The following ZNRF3 variants were observed in gnomAD, a reference collection of about 807,000 sequenced individuals.
The protein encoded by ZNRF3 is E3 ubiquitin-protein ligase ZNRF3.
In ZNRF3, 23 loss-of-function variants were observed where a neutral mutation model predicts 72.5. The ratio of observed to expected loss-of-function variants is 0.32; its 90% confidence interval spans 0.23 to 0.45. ZNRF3 has a LOEUF of 0.45. ZNRF3 is among the 20% of genes least tolerant of loss of function. The pLI, the probability that ZNRF3 is intolerant of heterozygous loss-of-function variation, is 1.00. For missense variants in ZNRF3, 1,169 were observed against 1,272.1 expected (o/e 0.92, Z 1.23); for synonymous variants, 610 against 545.3 (o/e 1.12, Z -1.65).
chr22:29,049,247 C>A lies in ZNRF3; in HGVS notation c.1066C>A (p.Arg356Ser), dbSNP rs2037132194. The A allele has an allele frequency of 6.2e-7, 1 of 1,613,012 alleles. No individual in the cohort carries two copies. Among genetic ancestry groups the A allele is most frequent in the South Asian group, 1.1e-5 (1 of 90,946 alleles). Residue 356 changes from arginine (R) to serine (S), a missense_variant, in exon 8 of 9, where the codon CGT becomes AGT. By Grantham distance (110) the Arg-to-Ser change is moderately radical. Coordinates refer to ENST00000544604, the MANE Select transcript of ZNRF3 (RefSeq NM_001206998.2). This position sits in a 1 kb window ranked among gnomAD's most constrained non-coding sequence, Gnocchi z 5.2. ...GTGTGTGGAGACCAGCAACCTCTCA[C>A]GTGGTCGGCAGCAGAGGGTGACCCT... ...AVCVETSNLS[R>S]GRQQRVTLPV...
chr22:28,941,664 C>T (rs1196009635), intron 1 of ZNRF3, among the ~76,000 whole-genome samples: 5 of 152,116 alleles, frequency 3.3e-5, no homozygotes, highest in African/African-American at 9.7e-5. Context: ...ACCTGTAATC[C>T]GAGCACTTTG....
chr22:28,950,654 C>T lies in ZNRF3; in HGVS notation c.301-36422C>T, dbSNP rs556738919. Among the ~76,000 whole-genome samples the T allele has an allele frequency of 3.9e-5, 6 of 152,340 alleles. No individual in the cohort carries two copies. In the East Asian group the frequency reaches 1.2e-3, roughly 29 times the overall value. On this transcript the variant is annotated intron_variant, in intron 1 of 8. Transcript: ENST00000544604. ...GACAGTGGCTCTTTAGGGCCTTCCTCCATATCTCTGTTTCTGAGGATACTC... is the reference window on the plus strand; with the variant it reads ...GACAGTGGCTCTTTAGGGCCTTCCTTCATATCTCTGTTTCTGAGGATACTC...
intron 2 of ZNRF3, among the ~76,000 whole-genome samples, chr22:29,004,667 C>T (rs1295796840): frequency 6.6e-6 from 1 of 152,180 alleles, no homozygotes; most frequent in South Asian, 2.1e-4. Context: ...CTCTCTTCCT[C>T]GCCCTCCCCC....
intron 1 of ZNRF3, among the ~76,000 whole-genome samples, chr22:28,924,316 A>G (rs1400589702): frequency 6.6e-6 from 1 of 152,176 alleles, no homozygotes; most frequent in African/African-American, 2.4e-5. Context: ...TTCTGTTAAG[A>G]GTAATTTTTT....
intron 8 of ZNRF3, 114 bp from the exon 9 acceptor site, chr22:29,053,465 C>G: frequency 1.0e-6 from 1 of 961,136 alleles, no homozygotes; most frequent in Non-Finnish European, 1.6e-6. Context: ...TGCTTCAGCC[C>G]TTTAGCATAC....
intron 4 of ZNRF3, among the ~76,000 whole-genome samples, chr22:29,044,292 G>GA (rs145774659): frequency 2.1e-4 from 31 of 147,772 alleles, no homozygotes; most frequent in South Asian, 1.7e-3. Flanking sequence ...TTTTTAAAGG[G>GA]AAAAAAAAAA....
intron 2 of ZNRF3, among the ~76,000 whole-genome samples, chr22:29,039,052 G>A (rs896971478): frequency 1.3e-5 from 2 of 152,030 alleles, no homozygotes; most frequent in African/African-American, 2.4e-5. Flanking sequence ...TTACAGGCCC[G>A]TGCAACTACA....
intron 1 of ZNRF3, among the ~76,000 whole-genome samples, chr22:28,960,683 C>A (rs982802134): frequency 6.6e-6 from 1 of 152,176 alleles, no homozygotes; most frequent in African/African-American, 2.4e-5. Flanking sequence ...CTGTTTACTG[C>A]CCCCTTTTGA....
intron 1 of ZNRF3, among the ~76,000 whole-genome samples, chr22:28,957,395 A>T (rs1182169239): frequency 6.6e-6 from 1 of 152,190 alleles, no homozygotes; most frequent in Non-Finnish European, 1.5e-5. Flanking sequence ...ACGAGTTTCT[A>T]AACTTCCAAA....
intron 3 of ZNRF3, among the ~76,000 whole-genome samples, chr22:29,042,867 C>T (rs979810427): frequency 1.3e-5 from 2 of 151,878 alleles, no homozygotes; most frequent in South Asian, 2.1e-4. Context: ...CTCCACCTCC[C>T]GGGTTCAAGC....
intron 1 of ZNRF3, among the ~76,000 whole-genome samples, chr22:28,916,574 C>T (rs1228701637): frequency 2.6e-5 from 4 of 152,028 alleles, no homozygotes; most frequent in African/African-American, 9.7e-5. Flanking sequence ...ATGTTTTGTT[C>T]TTTGCATTTT....
intron 2 of ZNRF3, among the ~76,000 whole-genome samples, chr22:29,009,079 A>G (rs1166574056): frequency 6.6e-6 from 1 of 152,214 alleles, no homozygotes; most frequent in Non-Finnish European, 1.5e-5. Flanking sequence ...TTGGTACTGC[A>G]GGGCCACTGT....
In ZNRF3 at chr22:28,963,783, T is replaced by C. The variant is rs565823076; in HGVS notation, c.301-23293T>C. 7.9e-5 allele frequency among the ~76,000 whole-genome samples: 12 copies of C among 152,282 alleles called. No individual in the cohort carries two copies. In the East Asian group the frequency reaches 2.3e-3, roughly 29 times the overall value. On this transcript the variant is annotated intron_variant, in intron 1 of 8. Coordinates refer to ENST00000544604, the MANE Select transcript of ZNRF3 (RefSeq NM_001206998.2). ...GCCTGATTACATCTGCTTATAAAAG[T>C]TGCTGCTCAAAGAAGAGTGGACTGG...
At position 29,048,439 on chromosome 22, in the gene ZNRF3, C is replaced by T. The variant is rs1278086726; in HGVS notation, c.963C>T (p.Asp321=). 2.5e-6 allele frequency: 4 copies of T among 1,614,160 alleles called. No individual in the cohort carries two copies. The highest frequency in any genetic ancestry group is 1.1e-5 in the South Asian group (1 of 91,080). Residue 321 remains aspartate (D), a synonymous_variant, in exon 7 of 9, where the codon GAC becomes GAT. Transcript: ENST00000544604. This position sits in a 1 kb window ranked among gnomAD's most constrained non-coding sequence, Gnocchi z 4.9. ...CTHRFHRKCV[D]PWLLQHHTCP... The stretch of plus-strand genomic sequence containing the variant: ...ACCGGTTTCACAGGAAGTGCGTGGA[C>T]CCCTGGCTGCTGCAGCACCACACCT...
chr22:28,976,754 G>A (rs73882419), intron 1 of ZNRF3, among the ~76,000 whole-genome samples: 1,942 of 152,180 alleles, frequency 0.013, 44 homozygotes, highest in African/African-American at 0.045. Flanking sequence ...AACAATACTT[G>A]TCATCTGGTA....
intron 1 of ZNRF3, among the ~76,000 whole-genome samples, chr22:28,960,898 C>T (rs982340909): frequency 6.6e-6 from 1 of 152,224 alleles, no homozygotes; most frequent in Non-Finnish European, 1.5e-5. Flanking sequence ...GCTACATCAT[C>T]CTTGGCTTCT....
At chr22:28,903,323 G>A (rs187555244) in intron 1 of ZNRF3, among the ~76,000 whole-genome samples, 3 of 152,244 alleles carry the variant, frequency 2.0e-5, no homozygotes, top group African/African-American at 4.8e-5. Flanking sequence ...TGGTTGCTCC[G>A]AGGAAAGGAG....
At chr22:28,956,993 G>A (rs2123800056) in intron 1 of ZNRF3, among the ~76,000 whole-genome samples, 2 of 152,296 alleles carry the variant, frequency 1.3e-5, no homozygotes, top group Middle Eastern at 3.4e-3. Context: ...TTAAGAAGGT[G>A]GATATGAATT....
chr22:28,966,626 T>A (rs1339486542), intron 1 of ZNRF3, among the ~76,000 whole-genome samples: 3 of 151,638 alleles, frequency 2.0e-5, no homozygotes, highest in African/African-American at 4.8e-5. Flanking sequence ...AAAAAAAGTT[T>A]AAAAAAGTAA....
Sources: allele counts gnomAD v4.1 joint callset (sites outside exome capture counted in the v4.1 genomes callset), GRCh38; gene constraint gnomAD v4.1.1; non-coding constraint Gnocchi (gnomAD v3.1); transcripts MANE v1.5; gene names NCBI Gene and HGNC (gene_info 2026-07-23, HGNC 2026-07-21).